Variants in ROBO1 observed in about 807,000 individuals in gnomAD.
The protein encoded by ROBO1 is roundabout guidance receptor 1, also known as roundabout homolog 1.
Under a neutral mutation model 195.9 loss-of-function variants are expected in ROBO1, and 149 were observed. That is an observed-to-expected ratio of 0.76 (90% CI 0.67 to 0.87). The LOEUF (loss-of-function observed/expected upper bound fraction) is 0.87. ROBO1 is among the 40% of genes least tolerant of loss of function. The probability of loss-of-function intolerance (pLI) is 0.00; values close to 1 mark genes in which losing one functional copy is unlikely to be tolerated. For synonymous variants in ROBO1, 816 were observed against 733.2 expected, an observed-to-expected ratio of 1.11 and a Z score of -1.82; for missense variants, 1,933 against 2,068.3, an observed-to-expected ratio of 0.93 and a Z score of 1.27.
At chr3:78,745,014 C>A (rs1576071370) in intron 5 of ROBO1, among the ~76,000 whole-genome samples, 1 of 151,996 alleles carries the variant, frequency 6.6e-6, no homozygotes, top group Middle Eastern at 3.2e-3. Flanking sequence ...ATCTCCAGGG[C>A]TAAGAATTTT....
chr3:79,552,616 A>C (rs769139523), intron 2 of ROBO1, among the ~76,000 whole-genome samples: 8 of 152,158 alleles, frequency 5.3e-5, no homozygotes, highest in Non-Finnish European at 1.5e-5. Flanking sequence ...TTTAATGTTC[A>C]TTCCCAACTG....
At chr3:79,066,762 T>C (rs2079009505) in intron 3 of ROBO1, among the ~76,000 whole-genome samples, 1 of 151,898 alleles carries the variant, frequency 6.6e-6, no homozygotes, top group African/African-American at 2.4e-5. Context: ...AGGAATATTA[T>C]TCAAGAAGAT....
chr3:79,603,292 C>G (rs1285882156), intron 1 of ROBO1, among the ~76,000 whole-genome samples: 1 of 151,952 alleles, frequency 6.6e-6, no homozygotes, highest in Non-Finnish European at 1.5e-5. Context: ...TAACAGGTTT[C>G]ATTACCTTGC....
In ROBO1 at chr3:78,629,376, G is replaced by T. The variant is rs374777587; in HGVS notation, c.3626+1785C>A. Among the ~76,000 whole-genome samples the T allele has an allele frequency of 7.2e-5, 11 of 152,176 alleles. No homozygotes were observed. The South Asian group carries it at 2.3e-3, about 32-fold the overall frequency. On this transcript the variant is annotated intron_variant, in intron 25 of 30. Transcript: ENST00000464233. ...TTTGTGAATGAAAGCAGCAATGAAT[G>T]TTGTTAAAATAGCTTGGGAAATGCA... is the stretch of plus-strand genomic sequence containing the variant.
chr3:79,486,110 A>G (rs1199779576), intron 2 of ROBO1, among the ~76,000 whole-genome samples: 1 of 152,194 alleles, frequency 6.6e-6, no homozygotes, highest in Non-Finnish European at 1.5e-5. Context: ...CATCTATAAA[A>G]CAAGGATAAC....
intron 3 of ROBO1, among the ~76,000 whole-genome samples, chr3:79,075,702 G>C (rs2108447825): frequency 6.6e-6 from 1 of 151,842 alleles, no homozygotes; most frequent in East Asian, 1.9e-4. Flanking sequence ...CCCAAAGTCA[G>C]GTCCAGAGGA....
chr3:79,295,413 C>A (rs898486328), intron 2 of ROBO1, among the ~76,000 whole-genome samples: 4 of 151,994 alleles, frequency 2.6e-5, no homozygotes, highest in Non-Finnish European at 5.9e-5. Context: ...AACACATGGA[C>A]ACAGGGAGGA....
intron 2 of ROBO1, among the ~76,000 whole-genome samples, chr3:79,407,239 T>C (rs1237660634): frequency 6.6e-6 from 1 of 152,152 alleles, no homozygotes; most frequent in Non-Finnish European, 1.5e-5. Context: ...TCAACACATA[T>C]CTTAAAATTT....
At chr3:78,752,500 T>C (rs537304616) in intron 4 of ROBO1, among the ~76,000 whole-genome samples, 1 of 152,276 alleles carries the variant, frequency 6.6e-6, no homozygotes, top group Non-Finnish European at 1.5e-5. Context: ...AAGCATATCA[T>C]AAAGTCTTCT....
At chr3:78,866,588 T>C (rs994327482) in intron 4 of ROBO1, among the ~76,000 whole-genome samples, 7 of 152,156 alleles carry the variant, frequency 4.6e-5, no homozygotes, top group African/African-American at 1.4e-4. Flanking sequence ...CAGAGATATA[T>C]TTTGTAATAA....
intron 2 of ROBO1, among the ~76,000 whole-genome samples, chr3:79,346,177 A>G (rs916287789): frequency 6.6e-6 from 1 of 151,618 alleles, no homozygotes; most frequent in Non-Finnish European, 1.5e-5. Flanking sequence ...ATATTTATAG[A>G]GAAATACTGT....
chr3:79,592,656 TC>T (rs954955138), intron 1 of ROBO1, among the ~76,000 whole-genome samples: 3 of 151,964 alleles, frequency 2.0e-5, no homozygotes, highest in Non-Finnish European at 4.4e-5. Flanking sequence ...ACTATTCCAC[TC>T]CCTGCCCTTG....
intron 7 of ROBO1, among the ~76,000 whole-genome samples, chr3:78,716,600 T>C (rs1361262003): frequency 6.6e-6 from 1 of 152,196 alleles, no homozygotes; most frequent in African/African-American, 2.4e-5. Flanking sequence ...GATATTGTTA[T>C]TCTGTATCTA....
At chr3:78,860,008 G>A (rs2034697039) in intron 4 of ROBO1, among the ~76,000 whole-genome samples, 1 of 151,956 alleles carries the variant, frequency 6.6e-6, no homozygotes, top group South Asian at 2.1e-4. Context: ...GAACCCAGGA[G>A]GCGGAGCTTG....
chr3:78,626,956 A>G (rs952154703), intron 26 of ROBO1, among the ~76,000 whole-genome samples: 2 of 152,172 alleles, frequency 1.3e-5, no homozygotes, highest in Non-Finnish European at 2.9e-5. Context: ...TTTTCTGCTG[A>G]CCAAAGAAGT....
At chr3:79,448,977 C>T (rs924884779) in intron 2 of ROBO1, among the ~76,000 whole-genome samples, 1 of 152,132 alleles carries the variant, frequency 6.6e-6, no homozygotes, top group Admixed American at 6.5e-5. Context: ...TGCCTGCAAT[C>T]CCAGCACTTT....
At chr3:79,443,476 A>C (rs2039128556) in intron 2 of ROBO1, among the ~76,000 whole-genome samples, 2 of 152,182 alleles carry the variant, frequency 1.3e-5, no homozygotes, top group Admixed American at 6.6e-5. Flanking sequence ...TTTGGATCTC[A>C]ACAGTGGCAG....
intron 2 of ROBO1, among the ~76,000 whole-genome samples, chr3:79,532,510 G>C (rs1246195335): frequency 6.6e-6 from 1 of 152,080 alleles, no homozygotes; most frequent in Non-Finnish European, 1.5e-5. Context: ...GTCAGGCGTG[G>C]ATGTGCTATT....
At chr3:79,756,670 A>C (rs185279992) in intron 1 of ROBO1, among the ~76,000 whole-genome samples, 2 of 152,140 alleles carry the variant, frequency 1.3e-5, no homozygotes, top group East Asian at 3.9e-4. Flanking sequence ...AAATATATGT[A>C]TGCCTTTAAC....
Sources: gnomAD v4.1 joint callset for allele counts (sites outside exome capture counted in the v4.1 genomes callset) on GRCh38, gnomAD v4.1.1 for gene constraint, MANE v1.5 for transcripts, NCBI Gene and HGNC (gene_info 2026-07-23, HGNC 2026-07-21) for gene names.